COMMD1: variants seen among roughly 807,000 people sequenced by gnomAD.
COMMD1 encodes COMM domain-containing protein 1.
Under a neutral mutation model 17.2 loss-of-function variants are expected in COMMD1, and 10 were observed. The observed-to-expected ratio is 0.58, with a 90% CI of 0.36 to 0.99. The LOEUF (loss-of-function observed/expected upper bound fraction) is 0.99. COMMD1 is among the 50% of genes least tolerant of loss of function. COMMD1 has a pLI of 0.01. For synonymous variants in COMMD1, 97 were observed against 91.6 expected (o/e 1.06, Z -0.34); for missense variants, 270 against 231.8 (o/e 1.17, Z -1.07).
chr2:61,952,758 TG>T (rs1671091590), intron 1 of COMMD1, among the ~76,000 whole-genome samples: 1 of 152,208 alleles, frequency 6.6e-6, no homozygotes, highest in African/African-American at 2.4e-5. Context: ...CTCAGTGAAT[TG>T]ATTTTGTCTG....
intron 2 of COMMD1, among the ~76,000 whole-genome samples, chr2:62,044,788 A>G (rs76979642): frequency 0.039 from 5,944 of 150,908 alleles, 298 homozygotes; most frequent in African/African-American, 0.12. Context: ...GGTGAGAATG[A>G]GATTCTGATC....
At chr2:61,975,997 G>A (rs1259982077) in intron 1 of COMMD1, among the ~76,000 whole-genome samples, 1 of 152,076 alleles carries the variant, frequency 6.6e-6, no homozygotes, top group African/African-American at 2.4e-5. Flanking sequence ...ATTAGTAGTG[G>A]TGTTCATTTC....
At chr2:62,059,945 G>C (rs1174326932) in intron 2 of COMMD1, among the ~76,000 whole-genome samples, 2 of 152,026 alleles carry the variant, frequency 1.3e-5, no homozygotes, top group East Asian at 3.9e-4. Flanking sequence ...ATGAATTTTG[G>C]GGGGGGAATT....
At chr2:61,937,907 G>A (rs1265176908) in intron 1 of COMMD1, among the ~76,000 whole-genome samples, 1 of 152,058 alleles carries the variant, frequency 6.6e-6, no homozygotes, top group Non-Finnish European at 1.5e-5. Flanking sequence ...CCTTGATTTG[G>A]AGGGTCTGAC....
chr2:62,097,501 A>G (rs1187966445), intron 2 of COMMD1, among the ~76,000 whole-genome samples: 1 of 152,146 alleles, frequency 6.6e-6, no homozygotes, highest in Admixed American at 6.5e-5. Flanking sequence ...TCACAAGCAT[A>G]ATGTACATGT....
intron 1 of COMMD1, among the ~76,000 whole-genome samples, chr2:61,958,056 A>G (rs1671241382): frequency 6.6e-6 from 1 of 152,180 alleles, no homozygotes; most frequent in Non-Finnish European, 1.5e-5. Flanking sequence ...GTTCAGGGGT[A>G]CATGTGCAGG....
chr2:62,058,749 G>A (rs1670777610), intron 2 of COMMD1, among the ~76,000 whole-genome samples: 2 of 152,042 alleles, frequency 1.3e-5, no homozygotes, highest in African/African-American at 4.8e-5. Context: ...AAAAAAAAAG[G>A]TGGGAGGTAT....
At position 62,053,150 on chromosome 2, in the gene COMMD1, T is replaced by A. The variant is rs374519145; in HGVS notation, c.462+52168T>A. On this transcript the variant is annotated intron_variant, in intron 2 of 2. Transcript: ENST00000311832. The stretch of plus-strand genomic sequence containing the variant: ...ATGCCTATCTCACCCTTTGAATACA[T>A]CAGAGTATTAAAATGTGAGTCACAA... Among the ~76,000 whole-genome samples, 132 of 152,250 alleles carry A rather than the reference T, an allele frequency of 8.7e-4. 1 individual carries two copies. In the South Asian group the frequency reaches 0.027, roughly 31 times the overall value.
intron 1 of COMMD1, among the ~76,000 whole-genome samples, chr2:61,950,410 G>T (rs1408014629): frequency 6.6e-6 from 1 of 152,168 alleles, no homozygotes; most frequent in Non-Finnish European, 1.5e-5. Context: ...GTGTGTCATG[G>T]GAGTGCTCAG....
intron 1 of COMMD1, among the ~76,000 whole-genome samples, chr2:61,973,603 C>T (rs189302273): frequency 8.6e-4 from 131 of 152,084 alleles, no homozygotes; most frequent in African/African-American, 2.9e-3. Flanking sequence ...TTGAAGGAGT[C>T]GTTATATATT....
intron 2 of COMMD1, among the ~76,000 whole-genome samples, chr2:62,042,146 C>T (rs1466857316): frequency 6.6e-6 from 1 of 152,188 alleles, no homozygotes; most frequent in Non-Finnish European, 1.5e-5. Flanking sequence ...GGTGCATTTG[C>T]AAACCTTTAG....
intron 2 of COMMD1, among the ~76,000 whole-genome samples, chr2:62,030,620 G>T (rs1669886788): frequency 6.6e-6 from 1 of 152,200 alleles, no homozygotes; most frequent in East Asian, 1.9e-4. Flanking sequence ...TTCTTGGAAA[G>T]AATTCTTCAT....
intron 1 of COMMD1, among the ~76,000 whole-genome samples, chr2:61,916,263 C>T (rs1670049433): frequency 6.6e-6 from 1 of 151,810 alleles, no homozygotes; most frequent in South Asian, 2.1e-4. Context: ...CACCTGGTCT[C>T]TTCTGGCCTT....
At chr2:62,098,751 T>G (rs572657344) in intron 2 of COMMD1, among the ~76,000 whole-genome samples, 37 of 152,358 alleles carry the variant, frequency 2.4e-4, no homozygotes, top group Non-Finnish European at 4.3e-4. Context: ...TGCAGAGCTC[T>G]CCATTTCTGT....
At position 62,014,442 on chromosome 2, in the gene COMMD1, C is replaced by T. The variant is rs539981254; in HGVS notation, c.462+13460C>T. 2.0e-5 allele frequency among the ~76,000 whole-genome samples: 3 copies of T among 149,864 alleles called. No homozygotes were observed. In the East Asian group the frequency reaches 5.9e-4, roughly 29 times the overall value. On this transcript the variant is annotated intron_variant, in intron 2 of 2. Transcript: ENST00000311832. ...TTCCATGTATGCCACTGCTCTATTG[C>T]CAAGATAAATGTAGAAGGCCTCTGG...
intron 1 of COMMD1, among the ~76,000 whole-genome samples, chr2:61,957,594 A>G (rs1671231832): frequency 6.6e-6 from 1 of 152,170 alleles, no homozygotes; most frequent in Admixed American, 6.5e-5. Flanking sequence ...TCATTACAAA[A>G]AAAATTATGT....
intron 2 of COMMD1, among the ~76,000 whole-genome samples, chr2:62,122,368 A>T: frequency 6.6e-6 from 1 of 151,942 alleles, no homozygotes; most frequent in Non-Finnish European, 1.5e-5. Flanking sequence ...GGGGTTAGCC[A>T]GTGATAGGTT....
At chr2:61,945,802 C>G (rs1237211340) in intron 1 of COMMD1, among the ~76,000 whole-genome samples, 6 of 152,154 alleles carry the variant, frequency 3.9e-5, no homozygotes, top group Non-Finnish European at 1.5e-5. Flanking sequence ...TAAAGACATT[C>G]TCATTGGCAG....
chr2:62,064,468 C>A (rs1000359318), intron 2 of COMMD1, among the ~76,000 whole-genome samples: 1 of 152,144 alleles, frequency 6.6e-6, no homozygotes, highest in African/African-American at 2.4e-5. Flanking sequence ...GCCACCATGC[C>A]GGGTCCATAG....
Sources: allele counts gnomAD v4.1 joint callset (sites outside exome capture counted in the v4.1 genomes callset), GRCh38; gene constraint gnomAD v4.1.1; transcripts MANE v1.5; gene names NCBI Gene and HGNC (gene_info 2026-07-23, HGNC 2026-07-21).